The following SP5 variants were observed in gnomAD, a reference collection of about 807,000 sequenced individuals.
The protein encoded by SP5 is transcription factor Sp5.
In SP5, 12 loss-of-function variants were observed where a neutral mutation model predicts 27.4. The observed-to-expected ratio is 0.44, with a 90% CI of 0.28 to 0.71. The LOEUF (loss-of-function observed/expected upper bound fraction) is 0.71. Ranked by LOEUF, SP5 falls within the 30% of genes least tolerant of loss-of-function variation. The pLI, the probability that SP5 is intolerant of heterozygous loss-of-function variation, is 0.15. For synonymous variants in SP5, 330 were observed against 290.7 expected, an observed-to-expected ratio of 1.14 and a Z score of -1.38; for missense variants, 660 against 589.8, an observed-to-expected ratio of 1.12 and a Z score of -1.23.
Position 170,716,680 on chromosome 2 carries a change from G to A in SP5, c.473G>A (p.Gly158Asp), listed in dbSNP as rs1414920259. 1.0e-5 allele frequency: 16 copies of A among 1,587,080 alleles called. No individual in the cohort carries two copies. In the South Asian group the frequency reaches 1.6e-4, roughly 16 times the overall value. ...PYAAQAALPPGYSNLLPPPPP... is the reference protein window; with the variant it reads ...PYAAQAALPPDYSNLLPPPPP... ...GCGGCGCAGGCCGCGCTGCCGCCAG[G>A]CTACTCCAACCTGCTGCCTCCGCCG... is the stretch of plus-strand genomic sequence containing the variant. The change falls in exon 2 of 2, where the codon GGC becomes GAC. Residue 158 changes from glycine (G) to aspartate (D), a missense_variant. Coordinates refer to ENST00000375281, the MANE Select transcript of SP5 (RefSeq NM_001003845.3).
chr2:170,716,777 GA>G lies in SP5; in HGVS notation c.571del (p.Ser191AlafsTer123). On this transcript the variant is annotated frameshift_variant, in exon 2 of 2. Coordinates refer to ENST00000375281, the MANE Select transcript of SP5 (RefSeq NM_001003845.3). LOFTEE classifies it high-confidence loss of function. ...NPAPDDLPWW[S>X]IPQAGAGPGA... Reference sequence around the variant, plus strand: ...CGGCCCCCGACGACCTCCCGTGGTGGAGCATCCCGCAGGCGGGCGCCGGGCC... The same window carrying G: ...CGGCCCCCGACGACCTCCCGTGGTGGGCATCCCGCAGGCGGGCGCCGGGCC... 7.0e-7 allele frequency: 1 copy of G among 1,435,606 alleles called. No individual in the cohort carries two copies. The highest frequency in any genetic ancestry group is 9.1e-7 in the Non-Finnish European group (1 of 1,099,316). The allele number at this position is 1,435,606 out of a possible 1,614,324, so 88.9% of individuals were successfully genotyped here.
Position 170,717,557 on chromosome 2 carries a change from AT to A in SP5, c.*154del, listed in dbSNP as rs1700097960. On this transcript the variant is annotated 3_prime_UTR_variant, in exon 2 of 2. Coordinates refer to ENST00000375281, the MANE Select transcript of SP5 (RefSeq NM_001003845.3). The stretch of plus-strand genomic sequence containing the variant: ...CTTCCAACTTCCGCTGCCTTCGGAC[AT>A]AGGGACCCAGTTCCCAGGAGCGGGG... 7.7e-6 allele frequency: 8 copies of A among 1,034,430 alleles called. No individual in the cohort carries two copies. Among genetic ancestry groups the A allele is most frequent in the Admixed American group, 5.6e-5 (2 of 35,904 alleles). The allele number at this position is 1,034,430 out of a possible 1,614,324, so 64.1% of individuals were successfully genotyped here. A position where few individuals can be genotyped will look rare whatever the true frequency, so the allele number is the denominator to read the frequency against.
intron 1 of SP5, chr2:170,715,764 C>T (rs1700049574): frequency 1.0e-6 from 1 of 985,294 alleles, no homozygotes; most frequent in Admixed American, 6.1e-5. Flanking sequence ...CGGGATTGTT[C>T]GGAGGTGCCC....
rs1700101914 is a variant in SP5 at position 170,717,774 on chromosome 2, C to G, written c.*370C>G. On this transcript the variant is annotated 3_prime_UTR_variant, in exon 2 of 2. Coordinates refer to ENST00000375281, the MANE Select transcript of SP5 (RefSeq NM_001003845.3). ...GGAACTTGGGAGATTTGAAACAGTG[C>G]TCGGGTTTTCGCTAGGACCGGTTTG... The G allele has an allele frequency of 3.6e-6, 1 of 279,100 alleles. No homozygotes were observed. The allele number at this position is 279,100 out of a possible 1,614,324, so 17.3% of individuals were successfully genotyped here. A position where few individuals can be genotyped will look rare whatever the true frequency, so the allele number is the denominator to read the frequency against.
intron 1 of SP5, chr2:170,715,883 A>C: frequency 1.0e-6 from 1 of 985,388 alleles, no homozygotes; most frequent in Non-Finnish European, 1.2e-6. Flanking sequence ...GAGAGCTTAA[A>C]AGATGGGAGG....
chr2:170,715,952 G>C (rs1479846891), intron 1 of SP5: 2 of 1,344,434 alleles, frequency 1.5e-6, no homozygotes, highest in East Asian at 3.1e-5. Context: ...CCACGGAGCC[G>C]GGAGGGGCCC....
rs773935328 is a variant in SP5 at position 170,717,335 on chromosome 2, G to A, written c.1128G>A (p.Lys376=). The A allele has an allele frequency of 3.6e-5, 58 of 1,610,666 alleles. No individual in the cohort carries two copies. Among genetic ancestry groups the A allele is most frequent in the Non-Finnish European group, 4.7e-5 (56 of 1,179,994 alleles). ...MRSDHLAKHV[K]THQNKKLKVA... is the part of the protein sequence containing the mutation. ...GCGACCACCTCGCGAAGCACGTCAAGACTCACCAGAATAAGAAGCTCAAAG... is the reference window on the plus strand; with the variant it reads ...GCGACCACCTCGCGAAGCACGTCAAAACTCACCAGAATAAGAAGCTCAAAG... Residue 376 remains lysine (K), a synonymous_variant, in exon 2 of 2, where the codon AAG becomes AAA. Transcript: ENST00000375281.
Position 170,716,529 on chromosome 2 carries a change from G to A in SP5, c.322G>A (p.Ala108Thr). The A allele has an allele frequency of 1.2e-6, 2 of 1,611,184 alleles. No homozygotes were observed. Among genetic ancestry groups the A allele is most frequent in the African/African-American group, 1.3e-5 (1 of 74,966 alleles). ...KTHLQPSFGAAHELPLTPPAD... is the reference protein window; with the variant it reads ...KTHLQPSFGATHELPLTPPAD... ...GCACCTGCAGCCGTCCTTCGGGGCT[G>A]CGCACGAGCTTCCCCTTACACCCCC... Residue 108 changes from alanine to threonine, a missense_variant, in exon 2 of 2, where the codon GCG becomes ACG. By Grantham distance (58) the Ala-to-Thr change is moderately conservative. Coordinates refer to ENST00000375281, the MANE Select transcript of SP5 (RefSeq NM_001003845.3).
In SP5 at chr2:170,716,639, C is replaced by T; in HGVS notation, c.432C>T (p.Pro144=). 1.2e-6 allele frequency: 2 copies of T among 1,606,876 alleles called. No homozygotes were observed. The highest frequency in any genetic ancestry group is 1.7e-6 in the Non-Finnish European group (2 of 1,177,896). ...CGGCTCTGCCCGCCAGCTGCGCGCCCGCCTACGTGCCCTACGCGGCGCAGG... is the reference window on the plus strand; with the variant it reads ...CGGCTCTGCCCGCCAGCTGCGCGCCTGCCTACGTGCCCTACGCGGCGCAGG... ...SMAALPASCA[P]AYVPYAAQAA... Residue 144 remains proline, a synonymous_variant, in exon 2 of 2, where the codon CCC becomes CCT. Transcript: ENST00000375281.
rs1195756092 is a variant in SP5 at position 170,717,453 on chromosome 2, G to A, written c.*49G>A. The stretch of plus-strand genomic sequence containing the variant: ...TCCCAGCACCTCTGCGAGAGATCCG[G>A]GGACCTGTGGGCAGCTGGCGGAGGG... On this transcript the variant is annotated 3_prime_UTR_variant, in exon 2 of 2. Transcript: ENST00000375281. The A allele has an allele frequency of 1.9e-6, 3 of 1,593,616 alleles. No individual in the cohort carries two copies. The highest frequency in any genetic ancestry group is 2.6e-6 in the Non-Finnish European group (3 of 1,174,502).
At position 170,717,180 on chromosome 2, in the gene SP5, C is replaced by CCCTT; in HGVS notation, c.975_978dup (p.Val327LeufsTer56). 1 of 1,608,020 alleles carries CCCTT rather than the reference C, an allele frequency of 6.2e-7. No individual in the cohort carries two copies. Among genetic ancestry groups the CCCTT allele is most frequent in the Non-Finnish European group, 8.5e-7 (1 of 1,178,114 alleles). Reference sequence around the variant, plus strand: ...CCTGCGCTGGCACACGGGCGAGCGACCCTTCGTGTGCAACTGGCTCTTCTG... The same window carrying CCCTT: ...CCTGCGCTGGCACACGGGCGAGCGACCCTTCCTTCGTGTGCAACTGGCTCTTCTG... On this transcript the variant is annotated frameshift_variant, in exon 2 of 2. Transcript: ENST00000375281. LOFTEE classifies it high-confidence loss of function.
Position 170,717,521 on chromosome 2 carries a change from A to C in SP5, c.*117A>C. Reference sequence around the variant, plus strand: ...CCCTCTCCGTTGCCTGCCTCCCAAAATGGAGCCAGGCTTCCAACTTCCGCT... The same window carrying C: ...CCCTCTCCGTTGCCTGCCTCCCAAACTGGAGCCAGGCTTCCAACTTCCGCT... On this transcript the variant is annotated 3_prime_UTR_variant, in exon 2 of 2. Coordinates refer to ENST00000375281, the MANE Select transcript of SP5 (RefSeq NM_001003845.3). The C allele has an allele frequency of 7.4e-7, 1 of 1,343,600 alleles. No individual in the cohort carries two copies. The highest frequency in any genetic ancestry group is 1.0e-6 in the Non-Finnish European group (1 of 993,412). 83.2% of individuals were successfully genotyped at this position (1,343,600 alleles called of 1,614,324 possible).
At chr2:170,715,978 C>A (rs1700056045) in intron 1 of SP5, 1 of 1,354,260 alleles carries the variant, frequency 7.4e-7, no homozygotes, top group Non-Finnish European at 9.4e-7. Context: ...ATGCCTCCCC[C>A]TCCCACTTCG....
intron 1 of SP5, 106 bp from the exon 2 acceptor site, chr2:170,716,153 A>AG: frequency 2.1e-6 from 3 of 1,414,066 alleles, no homozygotes; most frequent in Non-Finnish European, 2.8e-6. Flanking sequence ...GGGACGGAGG[A>AG]GGGGCGGCGG....
intron 1 of SP5, chr2:170,715,949 G>C: frequency 7.4e-7 from 1 of 1,345,638 alleles, no homozygotes; most frequent in Non-Finnish European, 9.5e-7. Context: ...TGACCACGGA[G>C]CCGGGAGGGG....
In SP5 at chr2:170,717,200, C is replaced by T. The variant is rs775919274; in HGVS notation, c.993C>T (p.Leu331=). Residue 331 remains leucine, a synonymous_variant, in exon 2 of 2, where the codon CTC becomes CTT. Coordinates refer to ENST00000375281, the MANE Select transcript of SP5 (RefSeq NM_001003845.3). ...TGERPFVCNW[L]FCGKSFTRSD... is the part of the protein sequence containing the mutation. ...AGCGACCCTTCGTGTGCAACTGGCT[C>T]TTCTGCGGGAAGAGCTTCACGCGCT... 1.1e-5 allele frequency: 18 copies of T among 1,608,770 alleles called. No individual in the cohort carries two copies. Among genetic ancestry groups the T allele is most frequent in the South Asian group, 2.2e-5 (2 of 90,532 alleles).
chr2:170,717,663 T>G lies in SP5; in HGVS notation c.*259T>G. On this transcript the variant is annotated 3_prime_UTR_variant, in exon 2 of 2. Coordinates refer to ENST00000375281, the MANE Select transcript of SP5 (RefSeq NM_001003845.3). Reference sequence around the variant, plus strand: ...CAGGGCGGTTCCAAACTCTAAACCGTTCCCACCGTCAGGGAGACCTACAGT... The same window carrying G: ...CAGGGCGGTTCCAAACTCTAAACCGGTCCCACCGTCAGGGAGACCTACAGT... 10 of 547,588 alleles carry G rather than the reference T, an allele frequency of 1.8e-5. No individual in the cohort carries two copies. Among genetic ancestry groups the G allele is most frequent in the Non-Finnish European group, 2.3e-5 (7 of 308,160 alleles). 33.9% of individuals were successfully genotyped at this position (547,588 alleles called of 1,614,324 possible). A position where few individuals can be genotyped will look rare whatever the true frequency, so the allele number is the denominator to read the frequency against.
chr2:170,715,612 T>C (rs1055671002), intron 1 of SP5, 49 bp downstream of exon 1: 3 of 1,531,978 alleles, frequency 2.0e-6, no homozygotes, highest in Non-Finnish European at 1.8e-6. Flanking sequence ...AAGGGCCGTG[T>C]CCGGATCTCT....
chr2:170,717,517 C>A lies in SP5; in HGVS notation c.*113C>A. 1.5e-6 allele frequency: 2 copies of A among 1,364,326 alleles called. No individual in the cohort carries two copies. The highest frequency in any genetic ancestry group is 2.0e-6 in the Non-Finnish European group (2 of 1,011,486). 84.5% of individuals were successfully genotyped at this position (1,364,326 alleles called of 1,614,324 possible). A position where few individuals can be genotyped will look rare whatever the true frequency, so the allele number is the denominator to read the frequency against. On this transcript the variant is annotated 3_prime_UTR_variant, in exon 2 of 2. Coordinates refer to ENST00000375281, the MANE Select transcript of SP5 (RefSeq NM_001003845.3). ...CGGACCCTCTCCGTTGCCTGCCTCC[C>A]AAAATGGAGCCAGGCTTCCAACTTC...
Sources: gnomAD v4.1 joint callset for allele counts on GRCh38, gnomAD v4.1.1 for gene constraint, MANE v1.5 for transcripts, NCBI Gene and HGNC (gene_info 2026-07-23, HGNC 2026-07-21) for gene names.